Variants in AHI1 observed in about 807,000 individuals in gnomAD.
The protein encoded by AHI1 is Abelson helper integration site 1, also known as jouberin.
AHI1 carries 123 observed loss-of-function variants against 149.3 expected under a neutral mutation model. The ratio of observed to expected loss-of-function variants is 0.82; its 90% CI spans 0.71 to 0.96. The LOEUF is 0.96. Ranked by LOEUF, AHI1 falls within the 40% of genes least tolerant of loss-of-function variation. The pLI, the probability that AHI1 is intolerant of heterozygous loss-of-function variation, is 0.00. For synonymous variants in AHI1, 475 were observed against 459.8 expected, an observed-to-expected ratio of 1.03 and a Z score of -0.42; for missense variants, 1,439 against 1,422.7, an observed-to-expected ratio of 1.01 and a Z score of -0.18.
chr6:135,364,225 G>A (rs1442593479), intron 23 of AHI1, among the ~76,000 whole-genome samples: 4 of 151,462 alleles, frequency 2.6e-5, no homozygotes, highest in South Asian at 2.1e-4. Flanking sequence ...CGGGGCGTCC[G>A]GGCAGAGACG....
rs1784027733 is a variant in AHI1 at position 135,302,684 on chromosome 6, T to C, written c.3427-2126A>G. ...AGGACACTTACTTAACTAGGACCAA[T>C]ATTTGACTTCCAAACACCTTTACTC... On this transcript the variant is annotated intron_variant, in intron 26 of 28. Coordinates refer to ENST00000265602, the MANE Select transcript of AHI1 (RefSeq NM_001134831.2). 10 of 1,202,500 alleles carry C rather than the reference T, an allele frequency of 8.3e-6. No homozygotes were observed. The Admixed American group carries it at 1.4e-4, about 17-fold the overall frequency. 74.5% of individuals were successfully genotyped at this position (1,202,500 alleles called of 1,614,324 possible). A position where few individuals can be genotyped will look rare whatever the true frequency, so the allele number is the denominator to read the frequency against.
chr6:135,421,317 A>T (rs145589125), intron 20 of AHI1, among the ~76,000 whole-genome samples: 4 of 151,924 alleles, frequency 2.6e-5, no homozygotes, highest in African/African-American at 7.2e-5. Context: ...CTGGCTTAAC[A>T]TAGAATTGCC....
At position 135,300,546 on chromosome 6, in the gene AHI1, T is replaced by G; in HGVS notation, c.3439A>C (p.Lys1147Gln). The change falls in exon 27 of 29, where the codon AAG becomes CAG. Residue 1147 changes from lysine to glutamine, a missense_variant. Lys to Gln is a moderately conservative substitution (Grantham distance 53). Coordinates refer to ENST00000265602, the MANE Select transcript of AHI1 (RefSeq NM_001134831.2). ...SPAPQKQSIN[K>Q]NKSQDFRLGS... Reference sequence around the variant, plus strand: ...AGTCTGAAGTCCTGGGACTTGTTCTTATTGATTGATTGCTGTGGAAGAAGA... The same window carrying G: ...AGTCTGAAGTCCTGGGACTTGTTCTGATTGATTGATTGCTGTGGAAGAAGA... The G allele has an allele frequency of 6.2e-7, 1 of 1,607,630 alleles. No individual in the cohort carries two copies. The highest frequency in any genetic ancestry group is 2.2e-5 in the East Asian group (1 of 44,732).
intron 23 of AHI1, among the ~76,000 whole-genome samples, chr6:135,383,226 C>CCTTTTTTTTTT (rs1554303142): frequency 1.3e-5 from 1 of 76,870 alleles, no homozygotes; most frequent in Admixed American, 1.9e-4. Flanking sequence ...TCCCCCCTCC[C>CCTTTTTTTTTT]TTTTTTTTTT....
chr6:135,467,475 G>C (rs1790956823), intron 6 of AHI1, 106 bp downstream of exon 6: 2 of 912,806 alleles, frequency 2.2e-6, no homozygotes, highest in Non-Finnish European at 3.6e-6. Context: ...TAACTGATGT[G>C]TTGAAAAACA....
At chr6:135,364,387 A>C (rs1255985512) in intron 23 of AHI1, among the ~76,000 whole-genome samples, 1 of 150,098 alleles carries the variant, frequency 6.7e-6, no homozygotes, top group Admixed American at 6.6e-5. Flanking sequence ...AGCCGGGCAG[A>C]GACGCTCCTC....
At chr6:135,324,392 T>C (rs962319738) in intron 24 of AHI1, among the ~76,000 whole-genome samples, 1 of 149,478 alleles carries the variant, frequency 6.7e-6, no homozygotes, top group Non-Finnish European at 1.5e-5. Flanking sequence ...TCAATTCATT[T>C]TAGATTTAGA....
chr6:135,490,188 G>T (rs774148924), intron 5 of AHI1: 30 of 724,214 alleles, frequency 4.1e-5, no homozygotes, highest in Middle Eastern at 4.6e-4. Flanking sequence ...AACATAAAAG[G>T]ATAATTATTA....
At chr6:135,430,031 A>G (rs942422529) in intron 17 of AHI1, 31 bp from the exon 18 acceptor site, 1 of 1,289,004 alleles carries the variant, frequency 7.8e-7, no homozygotes, top group Non-Finnish European at 1.1e-6. Context: ...ACTACTACTG[A>G]AAAGTTTGTC....
chr6:135,446,805 G>A (rs1293407855), intron 13 of AHI1, among the ~76,000 whole-genome samples: 4 of 152,154 alleles, frequency 2.6e-5, no homozygotes, highest in African/African-American at 9.7e-5. Flanking sequence ...AGTGCCCAAA[G>A]AATGTAAGAT....
intron 5 of AHI1, among the ~76,000 whole-genome samples, chr6:135,486,604 T>G (rs1794514374): frequency 6.6e-6 from 1 of 152,134 alleles, no homozygotes; most frequent in Admixed American, 6.5e-5. Flanking sequence ...TAGAGTTTTT[T>G]GTTCTCAACA....
intron 20 of AHI1, among the ~76,000 whole-genome samples, chr6:135,422,091 T>C (rs1783253347): frequency 6.6e-6 from 1 of 152,202 alleles, no homozygotes; most frequent in African/African-American, 2.4e-5. Context: ...TGCAAATGAA[T>C]ACATACAAAT....
rs968483650 is a variant in AHI1 at position 135,307,881 on chromosome 6, A to T, written c.3427-7323T>A. Among the ~76,000 whole-genome samples, 2 of 152,188 alleles carry T rather than the reference A, an allele frequency of 1.3e-5. 1 individual carries two copies. The highest frequency in any genetic ancestry group is 4.8e-5 in the African/African-American group (2 of 41,444). On this transcript the variant is annotated intron_variant, in intron 26 of 28. Coordinates refer to ENST00000265602, the MANE Select transcript of AHI1 (RefSeq NM_001134831.2). ...GATTGTCACAAGTGGGAAGAGGTGC[A>T]TCTAGTGGACAGAGGCCAACAATGG...
At chr6:135,469,186 G>T (rs1791303451) in intron 5 of AHI1, among the ~76,000 whole-genome samples, 1 of 152,180 alleles carries the variant, frequency 6.6e-6, no homozygotes, top group African/African-American at 2.4e-5. Context: ...TCATCCACGG[G>T]ATGCAAGGCT....
intron 22 of AHI1, among the ~76,000 whole-genome samples, chr6:135,400,215 T>C (rs1187649701): frequency 6.6e-6 from 1 of 152,206 alleles, no homozygotes. Flanking sequence ...AAAACACTAT[T>C]CTACTCAAAT....
chr6:135,339,201 T>A (rs935245878), intron 24 of AHI1, among the ~76,000 whole-genome samples: 1 of 152,106 alleles, frequency 6.6e-6, no homozygotes, highest in East Asian at 1.9e-4. Flanking sequence ...CTGCCTTAGG[T>A]GGTGATATGA....
intron 3 of AHI1, chr6:135,492,710 C>A (rs1795415883): frequency 1.0e-6 from 1 of 985,254 alleles, no homozygotes; most frequent in Non-Finnish European, 1.2e-6. Context: ...GGGTAGCACA[C>A]TCACAGTGAA....
At chr6:135,355,735 C>T (rs1260924285) in intron 24 of AHI1, among the ~76,000 whole-genome samples, 2 of 152,052 alleles carry the variant, frequency 1.3e-5, no homozygotes, top group African/African-American at 4.8e-5. Context: ...CCCATCTCTA[C>T]TAAAAATACA....
At chr6:135,444,512 C>T (rs1786846926) in intron 13 of AHI1, among the ~76,000 whole-genome samples, 2 of 152,126 alleles carry the variant, frequency 1.3e-5, no homozygotes, top group Admixed American at 1.3e-4. Context: ...AAATACCCGC[C>T]CTTGTCCCTC....
Sources: allele counts gnomAD v4.1 joint callset (sites outside exome capture counted in the v4.1 genomes callset), GRCh38; gene constraint gnomAD v4.1.1; transcripts MANE v1.5; gene names NCBI Gene and HGNC (gene_info 2026-07-23, HGNC 2026-07-21).